DCUN1D5: variants seen among roughly 807,000 people sequenced by gnomAD.
The protein encoded by DCUN1D5 is DCN1-like protein 5.
Under a neutral mutation model 38.3 loss-of-function variants are expected in DCUN1D5, and 10 were observed. The observed-to-expected ratio is 0.26, with a 90% CI of 0.16 to 0.44. The LOEUF (loss-of-function observed/expected upper bound fraction) is 0.44. Ranked by LOEUF, DCUN1D5 falls within the 20% of genes least tolerant of loss-of-function variation. DCUN1D5 has a pLI of 1.00. For missense variants in DCUN1D5, 148 were observed against 275.3 expected (o/e 0.54, Z 3.27); for synonymous variants, 93 against 90.9 (o/e 1.02, Z -0.13).
intron 4 of DCUN1D5, among the ~76,000 whole-genome samples, chr11:103,080,754 A>G (rs1591222315): frequency 6.6e-6 from 1 of 152,338 alleles, no homozygotes; most frequent in African/African-American, 2.4e-5. Context: ...CACACCTGCA[A>G]TCCCAGGACT....
chr11:103,081,216 T>A (rs185530256), intron 4 of DCUN1D5, among the ~76,000 whole-genome samples: 1 of 152,234 alleles, frequency 6.6e-6, no homozygotes, highest in Non-Finnish European at 1.5e-5. Context: ...TTAGCTGAGA[T>A]ACTTCAAAAA....
At chr11:103,070,107 G>C (rs1327162709) in intron 4 of DCUN1D5, among the ~76,000 whole-genome samples, 2 of 140,748 alleles carry the variant, frequency 1.4e-5, no homozygotes, top group Non-Finnish European at 3.1e-5. Context: ...AAAATATAAA[G>C]TCTCAGCAAA....
At position 103,056,545 on chromosome 11, in the gene DCUN1D5, T is replaced by C. The variant is rs1374978890; in HGVS notation, c.*5814A>G. Among the ~76,000 whole-genome samples, 2 of 152,144 alleles carry C rather than the reference T, an allele frequency of 1.3e-5. No individual in the cohort carries two copies. The highest frequency in any genetic ancestry group is 2.9e-5 in the Non-Finnish European group (2 of 68,020). On this transcript the variant is annotated 3_prime_UTR_variant, in exon 8 of 8. Transcript: ENST00000260247. This position sits in a 1 kb window ranked among gnomAD's most constrained non-coding sequence, Gnocchi z 4.9. ...ACACTCTCTGGGCCCCTTCCTCAAC[T>C]TACTTTCCCCATATAACCTTGTCAC...
In DCUN1D5 at chr11:103,091,479, TGGGGTG is replaced by T. The variant is rs953707097; in HGVS notation, c.86+302_86+307del. The stretch of plus-strand genomic sequence containing the variant: ...GGAGTAGGGGATCGAGGGTCGGTTG[TGGGGTG>T]GGGGTGGGGGTGGGGGGAAGCGCAA... On this transcript the variant is annotated intron_variant, in intron 1 of 7. Coordinates refer to ENST00000260247, the MANE Select transcript of DCUN1D5 (RefSeq NM_032299.4). This position sits in a 1 kb window ranked among gnomAD's most constrained non-coding sequence, Gnocchi z 4.3. 45 of 215,592 alleles carry T rather than the reference TGGGGTG, an allele frequency of 2.1e-4. No homozygotes were observed. The highest frequency in any genetic ancestry group is 8.0e-4 in the East Asian group (7 of 8,730). 13.4% of individuals were successfully genotyped at this position (215,592 alleles called of 1,614,324 possible). A position where few individuals can be genotyped will look rare whatever the true frequency, so the allele number is the denominator to read the frequency against.
chr11:103,075,469 C>A (rs1862385256), intron 4 of DCUN1D5, among the ~76,000 whole-genome samples: 2 of 152,140 alleles, frequency 1.3e-5, no homozygotes, highest in African/African-American at 4.8e-5. Context: ...GCAACCTACG[C>A]CTCCGGGGTT....
At chr11:103,069,766 A>T (rs1463749402) in intron 4 of DCUN1D5, among the ~76,000 whole-genome samples, 2 of 152,234 alleles carry the variant, frequency 1.3e-5, no homozygotes, top group African/African-American at 4.8e-5. Context: ...TAATGAATGC[A>T]GAGTAGAAAA....
rs1235958680 is a variant in DCUN1D5, at chr11:103,086,182, G to T, written c.179-2856C>A. 1.4e-5 allele frequency among the ~76,000 whole-genome samples: 2 copies of T among 145,712 alleles called. No homozygotes were observed. The highest frequency in any genetic ancestry group is 5.0e-5 in the African/African-American group (2 of 40,198). Reference sequence around the variant, plus strand: ...GCCAGCCATAACAGATGCTTAGGGGGAAAAAAAAAAAATTCTCAGTGACAC... The same window carrying T: ...GCCAGCCATAACAGATGCTTAGGGGTAAAAAAAAAAAATTCTCAGTGACAC... On this transcript the variant is annotated intron_variant, in intron 2 of 7. Coordinates refer to ENST00000260247, the MANE Select transcript of DCUN1D5 (RefSeq NM_032299.4). The surrounding 1 kb of genome is among the most constrained non-coding windows in gnomAD (Gnocchi z 4.1).
At chr11:103,090,753 A>C (rs1192738538) in intron 1 of DCUN1D5, among the ~76,000 whole-genome samples, 1 of 152,294 alleles carries the variant, frequency 6.6e-6, no homozygotes, top group South Asian at 2.1e-4. Context: ...TCTACTAAAA[A>C]TACAAAAAAT....
Position 103,061,612 on chromosome 11 carries a change from AAAG to A in DCUN1D5, c.*744_*746del, listed in dbSNP as rs1473965787. The stretch of plus-strand genomic sequence containing the variant: ...TCTCTTAAGGCAAAAAAAAAAAAAA[AAAG>A]TGCTTTAAACAAAATTCCCTATATA... On this transcript the variant is annotated 3_prime_UTR_variant, in exon 8 of 8. Transcript: ENST00000260247. Among the ~76,000 whole-genome samples the A allele has an allele frequency of 6.6e-6, 1 of 151,922 alleles. No homozygotes were observed. The highest frequency in any genetic ancestry group is 1.9e-4 in the East Asian group (1 of 5,200).
Position 103,078,227 on chromosome 11 carries a change from T to C in DCUN1D5, c.341+4521A>G, listed in dbSNP as rs996540489. Among the ~76,000 whole-genome samples, 4 of 152,200 alleles carry C rather than the reference T, an allele frequency of 2.6e-5. No homozygotes were observed. The highest frequency in any genetic ancestry group is 5.9e-5 in the Non-Finnish European group (4 of 68,038). ...AAGTACGGTCCTCTTCAAAGGTCTA[T>C]ATTCAGTTTTCTCCACTGGTATAGT... On this transcript the variant is annotated intron_variant, in intron 4 of 7. Transcript: ENST00000260247. The surrounding 1 kb of genome is among the most constrained non-coding windows in gnomAD (Gnocchi z 4.6).
Position 103,064,255 on chromosome 11 carries a change from A to G in DCUN1D5, c.658+20T>C. On this transcript the variant is annotated intron_variant, in intron 7 of 7. Coordinates refer to ENST00000260247, the MANE Select transcript of DCUN1D5 (RefSeq NM_032299.4). The surrounding 1 kb of genome is among the most constrained non-coding windows in gnomAD (Gnocchi z 4.5). ...TTTTGGAAATTTTGTTTTCAAAGGAACATGTTATGTTATACTTACAAGCAC... is the reference window on the plus strand; with the variant it reads ...TTTTGGAAATTTTGTTTTCAAAGGAGCATGTTATGTTATACTTACAAGCAC... 6.3e-7 allele frequency: 1 copy of G among 1,589,972 alleles called. No individual in the cohort carries two copies. The highest frequency in any genetic ancestry group is 1.1e-5 in the South Asian group (1 of 88,712).
rs1862862699 is a variant in DCUN1D5 at position 103,091,463 on chromosome 11, G to C, written c.86+324C>G. On this transcript the variant is annotated intron_variant, in intron 1 of 7. Transcript: ENST00000260247. This position sits in a 1 kb window ranked among gnomAD's most constrained non-coding sequence, Gnocchi z 4.3. ...GCAGAGGAGCGATACGGGAGTAGGG[G>C]ATCGAGGGTCGGTTGTGGGGTGGGG... The C allele has an allele frequency of 3.0e-6, 1 of 330,140 alleles. No individual in the cohort carries two copies. Among genetic ancestry groups the C allele is most frequent in the Non-Finnish European group, 5.7e-6 (1 of 176,326 alleles). 20.5% of individuals were successfully genotyped at this position (330,140 alleles called of 1,614,324 possible).
In DCUN1D5 at chr11:103,059,223, G is replaced by A. The variant is rs1238092299; in HGVS notation, c.*3136C>T. Among the ~76,000 whole-genome samples, 1 of 152,058 alleles carries A rather than the reference G, an allele frequency of 6.6e-6. No individual in the cohort carries two copies. The highest frequency in any genetic ancestry group is 2.4e-5 in the African/African-American group (1 of 41,416). Reference sequence around the variant, plus strand: ...GTAGGCAGACAGGACATGTTTTGTTGAAGAAATACTTCAAAGTGAAATGTT... The same window carrying A: ...GTAGGCAGACAGGACATGTTTTGTTAAAGAAATACTTCAAAGTGAAATGTT... On this transcript the variant is annotated 3_prime_UTR_variant, in exon 8 of 8. Coordinates refer to ENST00000260247, the MANE Select transcript of DCUN1D5 (RefSeq NM_032299.4).
intron 4 of DCUN1D5, among the ~76,000 whole-genome samples, chr11:103,069,396 T>C (rs1298307678): frequency 1.3e-5 from 2 of 152,006 alleles, no homozygotes; most frequent in Non-Finnish European, 2.9e-5. Flanking sequence ...TAAAAACCAC[T>C]GAAAAAACTA....
chr11:103,075,149 A>G (rs576478235), intron 4 of DCUN1D5, among the ~76,000 whole-genome samples: 55 of 152,316 alleles, frequency 3.6e-4, no homozygotes, highest in Non-Finnish European at 6.5e-4. Context: ...CACTTATTGC[A>G]TAAGTTTGTC....
chr11:103,089,093 C>G (rs1034604747), intron 2 of DCUN1D5, 134 bp downstream of exon 2: 4 of 722,508 alleles, frequency 5.5e-6, no homozygotes, highest in Non-Finnish European at 8.0e-6. Flanking sequence ...TACCCACAAT[C>G]TTCAGTCCTG....
chr11:103,066,958 T>C lies in DCUN1D5; in HGVS notation c.342-391A>G, dbSNP rs1335409021. On this transcript the variant is annotated intron_variant, in intron 4 of 7. Coordinates refer to ENST00000260247, the MANE Select transcript of DCUN1D5 (RefSeq NM_032299.4). This position sits in a 1 kb window ranked among gnomAD's most constrained non-coding sequence, Gnocchi z 4.7. ...ATCACGCCTTTGTCACACATTTCTTTAGAAAGTTCGTAGGTAACAGTTTGG... is the reference window on the plus strand; with the variant it reads ...ATCACGCCTTTGTCACACATTTCTTCAGAAAGTTCGTAGGTAACAGTTTGG... Among the ~76,000 whole-genome samples, 1 of 152,224 alleles carries C rather than the reference T, an allele frequency of 6.6e-6. No individual in the cohort carries two copies. The highest frequency in any genetic ancestry group is 1.9e-4 in the East Asian group (1 of 5,198).
rs1270590481 is a variant in DCUN1D5, at chr11:103,064,542, T to C, written c.556-165A>G. On this transcript the variant is annotated intron_variant, in intron 6 of 7. Coordinates refer to ENST00000260247, the MANE Select transcript of DCUN1D5 (RefSeq NM_032299.4). This position sits in a 1 kb window ranked among gnomAD's most constrained non-coding sequence, Gnocchi z 4.5. ...AAGAGATTCCTCATGGGCATTTACA[T>C]ATTAACATAATCTATTTTTTACTTT... 6.6e-6 allele frequency among the ~76,000 whole-genome samples: 1 copy of C among 152,214 alleles called. No homozygotes were observed. Among genetic ancestry groups the C allele is most frequent in the African/African-American group, 2.4e-5 (1 of 41,464 alleles).
In DCUN1D5 at chr11:103,061,090, A is replaced by G. The variant is rs1436957704; in HGVS notation, c.*1269T>C. Among the ~76,000 whole-genome samples the G allele has an allele frequency of 2.0e-5, 3 of 152,184 alleles. No homozygotes were observed. Among genetic ancestry groups the G allele is most frequent in the African/African-American group, 4.8e-5 (2 of 41,450 alleles). ...CTGATTAACTAAAAAGCAAACAATAAAACACTTTAAAATGTCATTCTCTTA... is the reference window on the plus strand; with the variant it reads ...CTGATTAACTAAAAAGCAAACAATAGAACACTTTAAAATGTCATTCTCTTA... On this transcript the variant is annotated 3_prime_UTR_variant, in exon 8 of 8. Transcript: ENST00000260247.
Sources: gnomAD v4.1 joint callset for allele counts (sites outside exome capture counted in the v4.1 genomes callset) on GRCh38, gnomAD v4.1.1 for gene constraint, Gnocchi (gnomAD v3.1) non-coding constraint, MANE v1.5 for transcripts, NCBI Gene and HGNC (gene_info 2026-07-23, HGNC 2026-07-21) for gene names.